The following CDK6 variants were observed in gnomAD, a reference collection of about 807,000 sequenced individuals.
CDK6 encodes cyclin-dependent kinase 6.
CDK6 carries 6 observed loss-of-function variants against 37.1 expected under a neutral mutation model. The ratio of observed to expected loss-of-function variants is 0.16; its 90% CI spans 0.09 to 0.32. The LOEUF is 0.32. Ranked by LOEUF, CDK6 falls within the 10% of genes least tolerant of loss-of-function variation. The probability of loss-of-function intolerance (pLI) is 1.00; values close to 1 mark genes in which losing one functional copy is unlikely to be tolerated. For synonymous variants in CDK6, 160 were observed against 161.3 expected (o/e 0.99, Z 0.06); for missense variants, 224 against 418.9 (o/e 0.53, Z 4.06).
chr7:92,638,445 T>C (rs536565601), intron 5 of CDK6, among the ~76,000 whole-genome samples: 1 of 152,264 alleles, frequency 6.6e-6, no homozygotes, highest in East Asian at 1.9e-4. Flanking sequence ...TACCCACTCA[T>C]TTGGGAGTTC....
intron 4 of CDK6, among the ~76,000 whole-genome samples, chr7:92,698,996 C>A (rs1479897245): frequency 2.6e-5 from 4 of 152,154 alleles, no homozygotes; most frequent in African/African-American, 9.7e-5. Flanking sequence ...ACATCAGAGA[C>A]CATGTCTCAA....
chr7:92,801,482 A>C (rs2115899941), intron 2 of CDK6, among the ~76,000 whole-genome samples: 2 of 152,300 alleles, frequency 1.3e-5, no homozygotes, highest in East Asian at 3.9e-4. Flanking sequence ...CTTCTTTTTG[A>C]AAATGAGGAA....
At chr7:92,635,552 T>G (rs1796150768) in intron 5 of CDK6, among the ~76,000 whole-genome samples, 1 of 152,162 alleles carries the variant, frequency 6.6e-6, no homozygotes, top group Non-Finnish European at 1.5e-5. Flanking sequence ...AGAAATAAAA[T>G]TAACCTGCTC....
intron 6 of CDK6, 69 bp downstream of exon 6, chr7:92,622,967 G>C (rs2116494422): frequency 2.1e-6 from 2 of 934,386 alleles, no homozygotes. Context: ...TGATATGCAT[G>C]TCAGAGGAAA....
At chr7:92,668,825 G>A (rs1048905518) in intron 5 of CDK6, among the ~76,000 whole-genome samples, 2 of 152,070 alleles carry the variant, frequency 1.3e-5, no homozygotes, top group African/African-American at 4.8e-5. Context: ...AAGGACACAG[G>A]GTAGCCACCC....
At position 92,767,853 on chromosome 7, in the gene CDK6, C is replaced by T. The variant is rs970025061; in HGVS notation, c.369+6843G>A. ...AAAGACTATATTAAAAGCTCGTCTT[C>T]CACAGAATATAGGTCACATTCCTGG... On this transcript the variant is annotated intron_variant, in intron 3 of 7. Transcript: ENST00000424848. Among the ~76,000 whole-genome samples, 9 of 151,984 alleles carry T rather than the reference C, an allele frequency of 5.9e-5. 1 individual carries two copies. Among genetic ancestry groups the T allele is most frequent in the South Asian group, 4.1e-4 (2 of 4,828 alleles).
intron 3 of CDK6, among the ~76,000 whole-genome samples, chr7:92,744,431 A>T (rs1041466670): frequency 1.3e-5 from 2 of 152,206 alleles, no homozygotes; most frequent in African/African-American, 4.8e-5. Context: ...TGATTCACTT[A>T]ACTCCCAACG....
chr7:92,674,081 TTTC>T (rs1321718721), intron 4 of CDK6, among the ~76,000 whole-genome samples: 3 of 150,354 alleles, frequency 2.0e-5, no homozygotes, highest in Non-Finnish European at 3.0e-5. Context: ...CGCCTCCCCC[TTTC>T]TTCTTTTTTT....
intron 2 of CDK6, among the ~76,000 whole-genome samples, chr7:92,794,722 T>G (rs956463561): frequency 3.3e-5 from 5 of 152,000 alleles, no homozygotes; most frequent in Non-Finnish European, 5.9e-5. Context: ...TCATTGGGGG[T>G]GCTCAGCCAT....
At chr7:92,809,371 G>A (rs886962194) in intron 2 of CDK6, among the ~76,000 whole-genome samples, 2 of 152,102 alleles carry the variant, frequency 1.3e-5, no homozygotes, top group Non-Finnish European at 2.9e-5. Flanking sequence ...AATTGACAAC[G>A]ACAATCTGGT....
At chr7:92,675,925 G>A (rs1797192372) in intron 4 of CDK6, among the ~76,000 whole-genome samples, 1 of 151,872 alleles carries the variant, frequency 6.6e-6, no homozygotes, top group Non-Finnish European at 1.5e-5. Context: ...TGGTTATACT[G>A]ATTTTCTTTT....
At chr7:92,643,465 G>A (rs1237665793) in intron 5 of CDK6, among the ~76,000 whole-genome samples, 2 of 152,120 alleles carry the variant, frequency 1.3e-5, no homozygotes, top group East Asian at 3.8e-4. Flanking sequence ...GCCCTTGTGA[G>A]GCTTACAGTT....
chr7:92,721,816 C>T (rs1369841356), intron 4 of CDK6, among the ~76,000 whole-genome samples: 4 of 152,148 alleles, frequency 2.6e-5, no homozygotes, highest in East Asian at 3.9e-4. Flanking sequence ...TTATGAAACT[C>T]GTGTTTCTTA....
intron 3 of CDK6, among the ~76,000 whole-genome samples, chr7:92,734,441 C>T (rs1798733910): frequency 6.6e-6 from 1 of 152,212 alleles, no homozygotes; most frequent in Admixed American, 6.5e-5. Flanking sequence ...GGCCCTGCCT[C>T]CTGGTACTCT....
At chr7:92,805,737 C>T (rs1435060112) in intron 2 of CDK6, among the ~76,000 whole-genome samples, 1 of 152,118 alleles carries the variant, frequency 6.6e-6, no homozygotes, top group Admixed American at 6.5e-5. Flanking sequence ...TTCCAGGAGA[C>T]CAGAAGTGTA....
intron 6 of CDK6, among the ~76,000 whole-genome samples, chr7:92,620,487 C>G (rs1795784936): frequency 6.6e-6 from 1 of 152,178 alleles, no homozygotes; most frequent in Admixed American, 6.6e-5. Flanking sequence ...TATTTTATTT[C>G]CATTTAGCTA....
At chr7:92,638,402 C>T (rs975950184) in intron 5 of CDK6, among the ~76,000 whole-genome samples, 2 of 152,202 alleles carry the variant, frequency 1.3e-5, no homozygotes, top group Admixed American at 1.3e-4. Flanking sequence ...CTTACTGACC[C>T]ACTCATTTGA....
In CDK6 at chr7:92,833,039, C is replaced by T. The variant is rs1453609261; in HGVS notation, c.233+52G>A. 5.9e-6 allele frequency: 8 copies of T among 1,353,650 alleles called. No homozygotes were observed. The South Asian group carries it at 6.9e-5, about 12-fold the overall frequency. 83.9% of individuals were successfully genotyped at this position (1,353,650 alleles called of 1,614,324 possible). ...GGGCCTGAGGATTCCCGGCTCGGCCCTCCCCGCGCGCGCGAGGCCCCAGAT... is the reference window on the plus strand; with the variant it reads ...GGGCCTGAGGATTCCCGGCTCGGCCTTCCCCGCGCGCGCGAGGCCCCAGAT... On this transcript the variant is annotated intron_variant, in intron 2 of 7. Coordinates refer to ENST00000424848, the MANE Select transcript of CDK6 (RefSeq NM_001145306.2). The surrounding 1 kb of genome is among the most constrained non-coding windows in gnomAD (Gnocchi z 6.1).
At chr7:92,670,796 C>T (rs1048666377) in intron 5 of CDK6, among the ~76,000 whole-genome samples, 1 of 152,208 alleles carries the variant, frequency 6.6e-6, no homozygotes, top group African/African-American at 2.4e-5. Flanking sequence ...CTCACAAACC[C>T]CAATCCACTC....
Sources: gnomAD v4.1 joint callset for allele counts (sites outside exome capture counted in the v4.1 genomes callset) on GRCh38, gnomAD v4.1.1 for gene constraint, Gnocchi (gnomAD v3.1) non-coding constraint, MANE v1.5 for transcripts, NCBI Gene and HGNC (gene_info 2026-07-23, HGNC 2026-07-21) for gene names.